Variants in CNTN3 observed in about 807,000 individuals in gnomAD.
CNTN3 encodes the protein contactin 3, also known as contactin-3.
Under a neutral mutation model 119.1 loss-of-function variants are expected in CNTN3, and 60 were observed. That is an observed-to-expected ratio of 0.50 (90% CI 0.41 to 0.62). CNTN3 has a LOEUF of 0.62. Ranked by LOEUF, CNTN3 falls within the 20% of genes least tolerant of loss-of-function variation. The pLI, the probability that CNTN3 is intolerant of heterozygous loss-of-function variation, is 0.00. For missense variants in CNTN3, 1,101 were observed against 1,242.4 expected (o/e 0.89, Z 1.71); for synonymous variants, 450 against 438.7 (o/e 1.03, Z -0.32).
chr3:74,524,158 T>C (rs1455418989), intron 1 of CNTN3, among the ~76,000 whole-genome samples: 1 of 151,870 alleles, frequency 6.6e-6, no homozygotes. Flanking sequence ...CAACAATCCA[T>C]CCCCAAGATA....
chr3:74,470,822 C>T (rs1474171799), intron 4 of CNTN3, among the ~76,000 whole-genome samples: 1 of 152,096 alleles, frequency 6.6e-6, no homozygotes, highest in East Asian at 1.9e-4. Context: ...CACTACTATC[C>T]ATCCAACTCA....
chr3:74,282,032 T>G (rs1702024012), intron 20 of CNTN3, among the ~76,000 whole-genome samples: 1 of 152,244 alleles, frequency 6.6e-6, no homozygotes, highest in African/African-American at 2.4e-5. Flanking sequence ...CTAATGCAAC[T>G]TATCATTTTT....
At chr3:74,285,049 G>A (rs1702082298) in intron 20 of CNTN3, among the ~76,000 whole-genome samples, 1 of 152,114 alleles carries the variant, frequency 6.6e-6, no homozygotes, top group Non-Finnish European at 1.5e-5. Flanking sequence ...AAGAAAAGGG[G>A]ATAGATTTAA....
At chr3:74,316,919 C>A (rs1421544224) in intron 13 of CNTN3, among the ~76,000 whole-genome samples, 1 of 140,364 alleles carries the variant, frequency 7.1e-6, no homozygotes, top group South Asian at 2.7e-4. Flanking sequence ...CAGAGTGAGA[C>A]TCCATCTCAA....
intron 13 of CNTN3, among the ~76,000 whole-genome samples, chr3:74,304,481 A>G (rs1702520307): frequency 6.6e-6 from 1 of 152,174 alleles, no homozygotes. Context: ...AATGCCATCT[A>G]AGGCATTGGG....
chr3:74,435,610 G>A (rs747657977), intron 4 of CNTN3, among the ~76,000 whole-genome samples: 1 of 152,088 alleles, frequency 6.6e-6, no homozygotes, highest in Non-Finnish European at 1.5e-5. Flanking sequence ...TGAGTAAATG[G>A]GGATATGAAG....
At chr3:74,306,631 C>T (rs1216103077) in intron 13 of CNTN3, among the ~76,000 whole-genome samples, 2 of 152,088 alleles carry the variant, frequency 1.3e-5, no homozygotes, top group Admixed American at 1.3e-4. Context: ...CCAGAAAGCA[C>T]ATCTTTTTTT....
At chr3:74,526,861 C>T (rs1375289064) in intron 1 of CNTN3, among the ~76,000 whole-genome samples, 1 of 151,738 alleles carries the variant, frequency 6.6e-6, no homozygotes, top group Non-Finnish European at 1.5e-5. Context: ...TAGATTATGG[C>T]TTCTCTCTCC....
intron 2 of CNTN3, among the ~76,000 whole-genome samples, chr3:74,514,845 A>G (rs1274574553): frequency 6.6e-6 from 1 of 152,116 alleles, no homozygotes; most frequent in African/African-American, 2.4e-5. Context: ...AAATTGTTTT[A>G]CATACCTATC....
intron 3 of CNTN3, among the ~76,000 whole-genome samples, chr3:74,488,454 G>A (rs1356056252): frequency 6.6e-6 from 1 of 152,168 alleles, no homozygotes; most frequent in African/African-American, 2.4e-5. Flanking sequence ...CTCATGGAGA[G>A]AGAGTAGGAA....
At chr3:74,552,276 G>A (rs141752787) in intron 1 of CNTN3, among the ~76,000 whole-genome samples, 7 of 152,128 alleles carry the variant, frequency 4.6e-5, no homozygotes, top group Admixed American at 1.3e-4. Flanking sequence ...GGATATTTTC[G>A]TGTGGACATA....
intron 1 of CNTN3, among the ~76,000 whole-genome samples, chr3:74,589,724 T>C (rs1410402173): frequency 2.7e-5 from 4 of 150,666 alleles, no homozygotes; most frequent in Admixed American, 1.3e-4. Flanking sequence ...CCAACAATGA[T>C]AGAATGGATT....
At position 74,264,911 on chromosome 3, in the gene CNTN3, A is replaced by T. The variant is rs1018091337; in HGVS notation, c.2987-410T>A. On this transcript the variant is annotated intron_variant, in intron 22 of 22. Transcript: ENST00000263665. ...AATGCAGCATATACTAGTTGCCAAG[A>T]GTATCTATAAAAACAGTAATGTGTT... Among the ~76,000 whole-genome samples, 5 of 152,292 alleles carry T rather than the reference A, an allele frequency of 3.3e-5. 1 individual carries two copies. The highest frequency in any genetic ancestry group is 2.1e-4 in the South Asian group (1 of 4,832).
intron 2 of CNTN3, among the ~76,000 whole-genome samples, chr3:74,514,853 A>G (rs1456654620): frequency 6.6e-6 from 1 of 152,118 alleles, no homozygotes; most frequent in Non-Finnish European, 1.5e-5. Flanking sequence ...TTACATACCT[A>G]TCTGTGGGAA....
rs573818790 is a variant in CNTN3, at chr3:74,548,309, T to C, written c.-80-27117A>G. Among the ~76,000 whole-genome samples the C allele has an allele frequency of 1.1e-4, 17 of 152,328 alleles. 1 individual carries two copies. In the South Asian group the frequency reaches 1.2e-3, roughly 11 times the overall value. On this transcript the variant is annotated intron_variant, in intron 1 of 22. Transcript: ENST00000263665. ...TAATCTCAGTAGTTGGCCATTTAGA[T>C]GAATATATATGGGTTTTGATAGTTT...
At chr3:74,303,720 A>G (rs986651898) in intron 13 of CNTN3, among the ~76,000 whole-genome samples, 1 of 152,128 alleles carries the variant, frequency 6.6e-6, no homozygotes, top group Non-Finnish European at 1.5e-5. Context: ...ATAAATAATA[A>G]TAACAGCTGT....
chr3:74,343,965 C>T (rs1331454732), intron 11 of CNTN3, among the ~76,000 whole-genome samples: 2 of 152,220 alleles, frequency 1.3e-5, no homozygotes, highest in Non-Finnish European at 2.9e-5. Context: ...ATAATCATTA[C>T]TTCACTCATC....
At chr3:74,271,757 TGTG>T (rs1217422908) in intron 20 of CNTN3, among the ~76,000 whole-genome samples, 1 of 152,144 alleles carries the variant, frequency 6.6e-6, no homozygotes, top group East Asian at 1.9e-4. Flanking sequence ...TGCTTAAACA[TGTG>T]GTATTGTGCA....
chr3:74,566,129 T>A (rs1264444085), intron 1 of CNTN3, among the ~76,000 whole-genome samples: 1 of 152,136 alleles, frequency 6.6e-6, no homozygotes, highest in Non-Finnish European at 1.5e-5. Flanking sequence ...CAGGTATGGC[T>A]TTATGAGCAG....
Sources: gnomAD v4.1 joint callset for allele counts (sites outside exome capture counted in the v4.1 genomes callset) on GRCh38, gnomAD v4.1.1 for gene constraint, MANE v1.5 for transcripts, NCBI Gene and HGNC (gene_info 2026-07-23, HGNC 2026-07-21) for gene names.